The following CST6 variants were observed in gnomAD, a reference collection of about 807,000 sequenced individuals.
CST6 encodes the protein cystatin E/M.
CST6 carries 8 observed loss-of-function variants against 10.7 expected under a neutral mutation model. The observed-to-expected ratio is 0.75, with a 90% confidence interval of 0.44 to 1.34. CST6 has a LOEUF of 1.34. Ranked by LOEUF, CST6 falls within the 40% of genes most tolerant of loss-of-function variation. The pLI, the probability that CST6 is intolerant of heterozygous loss-of-function variation, is 0.01. For synonymous variants in CST6, 100 were observed against 89.3 expected (o/e 1.12, Z -0.68); for missense variants, 206 against 205.1 (o/e 1.00, Z -0.03).
At position 66,012,284 on chromosome 11, in the gene CST6, G is replaced by C. The variant is rs1590674532; in HGVS notation, c.240G>C (p.Gln80His). ...CGCACATCATCAAGGCGCAGAGCCA[G>C]GTGCGGCGGGCGGGGTGCTGGGAGG... ...RDTHIIKAQS[Q>H]LVAGIKYFLT... Residue 80 changes from glutamine (Q) to histidine (H), a missense_variant and splice_region_variant, in exon 1 of 3, where the codon CAG becomes CAC. Physicochemically the swap from Gln to His is conservative, Grantham distance 24. Transcript: ENST00000312134. 2 of 1,592,222 alleles carry C rather than the reference G, an allele frequency of 1.3e-6. No homozygotes were observed. The highest frequency in any genetic ancestry group is 1.7e-6 in the Non-Finnish European group (2 of 1,165,732).
Position 66,012,176 on chromosome 11 carries a change from C to T in CST6, c.132C>T (p.Asp44=). Residue 44 remains aspartate (D), a synonymous_variant, in exon 1 of 3, where the codon GAC becomes GAT. Transcript: ENST00000312134. ...MVGELRDLSP[D]DPQVQKAAQA... Reference sequence around the variant, plus strand: ...GAGAACTCCGGGACCTGTCGCCCGACGACCCGCAGGTGCAGAAGGCGGCGC... The same window carrying T: ...GAGAACTCCGGGACCTGTCGCCCGATGACCCGCAGGTGCAGAAGGCGGCGC... 6.4e-7 allele frequency: 1 copy of T among 1,569,350 alleles called. No individual in the cohort carries two copies. Among genetic ancestry groups the T allele is most frequent in the Non-Finnish European group, 8.6e-7 (1 of 1,159,786 alleles).
Position 66,012,083 on chromosome 11 carries a change from C to G in CST6, c.39C>G (p.Ala13=). The G allele has an allele frequency of 1.9e-6, 3 of 1,569,310 alleles. No homozygotes were observed. In the East Asian group the frequency reaches 6.9e-5, roughly 36 times the overall value. The change falls in exon 1 of 3, where the codon GCC becomes GCG. Residue 13 remains alanine, a synonymous_variant. Transcript: ENST00000312134. ...RSNLPLALGL[A]LVAFCLLALP... ...ACCTCCCGCTGGCGCTGGGCCTGGC[C>G]CTGGTCGCATTCTGCCTCCTGGCGC...
intron 1 of CST6, among the ~76,000 whole-genome samples, 162 bp from the exon 2 acceptor site, chr11:66,012,664 T>A (rs1366011695): frequency 2.1e-4 from 3 of 14,508 alleles, no homozygotes; most frequent in Non-Finnish European, 3.6e-4. Flanking sequence ...CCACCAGAAC[T>A]CCCCCCCCCA....
rs549999862 is a variant in CST6 at position 66,013,030 on chromosome 11, T to G, written c.366+79T>G. 1.2e-5 allele frequency: 18 copies of G among 1,554,572 alleles called. No homozygotes were observed. In the East Asian group the frequency reaches 4.0e-4, roughly 34 times the overall value. On this transcript the variant is annotated intron_variant, in intron 2 of 2. Coordinates refer to ENST00000312134, the MANE Select transcript of CST6 (RefSeq NM_001323.4). The stretch of plus-strand genomic sequence containing the variant: ...GTTGTCCATCCTGAACTGGTTTGGC[T>G]GGACACGTAGATGTCTAGATGTCTG...
In CST6 at chr11:66,012,875, A is replaced by G. The variant is rs1856184693; in HGVS notation, c.290A>G (p.Asp97Gly). The change falls in exon 2 of 3, where the codon GAC becomes GGC. Residue 97 changes from aspartate (D) to glycine (G), a missense_variant. Transcript: ENST00000312134. Reference protein sequence around the residue: ...YFLTMEMGSTDCRKTRVTGDH... With the variant: ...YFLTMEMGSTGCRKTRVTGDH... ...CTGACGATGGAGATGGGGAGCACAG[A>G]CTGCCGCAAGACCAGGGTCACTGGA... 9 of 1,612,980 alleles carry G rather than the reference A, an allele frequency of 5.6e-6. No homozygotes were observed. The highest frequency in any genetic ancestry group is 4.4e-5 in the South Asian group (4 of 91,032).
rs1159123566 is a variant in CST6 at position 66,012,664 on chromosome 11, T to TC, written c.241-153dup. On this transcript the variant is annotated intron_variant, in intron 1 of 2. Transcript: ENST00000312134. Reference sequence around the variant, plus strand: ...CTCCACCCTCCATCCCCACCAGAACTCCCCCCCCCACCCCCCCCCACCCCC... The same window carrying TC: ...CTCCACCCTCCATCCCCACCAGAACTCCCCCCCCCCACCCCCCCCCACCCCC... Among the ~76,000 whole-genome samples the TC allele has an allele frequency of 7.0e-3, 101 of 14,448 alleles. 1 individual carries two copies. Among genetic ancestry groups the TC allele is most frequent in the African/African-American group, 0.012 (61 of 5,300 alleles). 9.5% of individuals were successfully genotyped at this position (14,448 alleles called of 152,430 possible).
chr11:66,012,929 T>A lies in CST6; in HGVS notation c.344T>A (p.Leu115Gln), dbSNP rs1392813433. 6.2e-6 allele frequency: 10 copies of A among 1,613,270 alleles called. No homozygotes were observed. The highest frequency in any genetic ancestry group is 8.5e-6 in the Non-Finnish European group (10 of 1,179,704). ...CACGTCGACCTCACCACTTGCCCCC[T>A]GGCAGCAGGGGCGCAGCAGGAGGTA... ...GDHVDLTTCP[L>Q]AAGAQQEKLR... The change falls in exon 2 of 3, where the codon CTG becomes CAG. Residue 115 changes from leucine (L) to glutamine (Q), a missense_variant. Coordinates refer to ENST00000312134, the MANE Select transcript of CST6 (RefSeq NM_001323.4).
Position 66,012,092 on chromosome 11 carries a change from A to C in CST6, c.48A>C (p.Ala16=), listed in dbSNP as rs754583999. Reference sequence around the variant, plus strand: ...TGGCGCTGGGCCTGGCCCTGGTCGCATTCTGCCTCCTGGCGCTGCCACGCG... The same window carrying C: ...TGGCGCTGGGCCTGGCCCTGGTCGCCTTCTGCCTCCTGGCGCTGCCACGCG... ...LPLALGLALV[A]FCLLALPRDA... The change falls in exon 1 of 3, where the codon GCA becomes GCC. Residue 16 remains alanine (A), a synonymous_variant. Transcript: ENST00000312134. 3 of 1,567,260 alleles carry C rather than the reference A, an allele frequency of 1.9e-6. No individual in the cohort carries two copies. In the East Asian group the frequency reaches 6.9e-5, roughly 36 times the overall value.
In CST6 at chr11:66,012,191, G is replaced by A. The variant is rs962641122; in HGVS notation, c.147G>A (p.Gln49=). 1 of 1,580,584 alleles carries A rather than the reference G, an allele frequency of 6.3e-7. No homozygotes were observed. Among genetic ancestry groups the A allele is most frequent in the Non-Finnish European group, 8.6e-7 (1 of 1,165,200 alleles). ...TGTCGCCCGACGACCCGCAGGTGCA[G>A]AAGGCGGCGCAGGCGGCCGTGGCCA... ...RDLSPDDPQV[Q]KAAQAAVASY... is the part of the protein sequence containing the mutation. Residue 49 remains glutamine, a synonymous_variant, in exon 1 of 3, where the codon CAG becomes CAA. Transcript: ENST00000312134.
intron 1 of CST6, 104 bp downstream of exon 1, chr11:66,012,388 A>G: frequency 1.5e-6 from 2 of 1,326,364 alleles, no homozygotes; most frequent in East Asian, 5.1e-5. Flanking sequence ...CAATCGGGAT[A>G]TTTTCATGCA....
chr11:66,012,049 C>T lies in CST6; in HGVS notation c.5C>T (p.Ala2Val). Residue 2 changes from alanine (A) to valine (V), a missense_variant, in exon 1 of 3, where the codon GCG becomes GTG. Coordinates refer to ENST00000312134, the MANE Select transcript of CST6 (RefSeq NM_001323.4). Reference protein sequence around the residue: MARSNLPLALGL... With the variant: MVRSNLPLALGL... ...GCTCCGACGGCACTGACGGCCATGG[C>T]GCGTTCGAACCTCCCGCTGGCGCTG... is the stretch of plus-strand genomic sequence containing the variant. The T allele has an allele frequency of 6.4e-7, 1 of 1,554,994 alleles. No homozygotes were observed. Among genetic ancestry groups the T allele is most frequent in the Admixed American group, 1.8e-5 (1 of 55,430 alleles).
In CST6 at chr11:66,012,259, C is replaced by T. The variant is rs1446011433; in HGVS notation, c.215C>T (p.Thr72Met). ...GSNSIYYFRD[T>M]HIIKAQSQLV... ...AACAGCATCTACTACTTCCGAGACA[C>T]GCACATCATCAAGGCGCAGAGCCAG... is the stretch of plus-strand genomic sequence containing the variant. Residue 72 changes from threonine (T) to methionine (M), a missense_variant, in exon 1 of 3, where the codon ACG (threonine) becomes ATG (methionine). Thr to Met is a moderately conservative substitution (Grantham distance 81). Transcript: ENST00000312134. The T allele has an allele frequency of 1.2e-6, 2 of 1,605,006 alleles. No individual in the cohort carries two copies. The highest frequency in any genetic ancestry group is 1.7e-6 in the Non-Finnish European group (2 of 1,175,342).
Position 66,013,341 on chromosome 11 carries a change from C to T in CST6, c.391C>T (p.Leu131Phe), listed in dbSNP as rs2134981038. ...QEKLRCDFEV[L>F]VVPWQNSSQL... ...GAAGCTGCGCTGTGACTTTGAGGTCCTTGTGGTTCCCTGGCAGAACTCCTC... is the reference window on the plus strand; with the variant it reads ...GAAGCTGCGCTGTGACTTTGAGGTCTTTGTGGTTCCCTGGCAGAACTCCTC... The change falls in exon 3 of 3, where the codon CTT (leucine) becomes TTT (phenylalanine). Residue 131 changes from leucine to phenylalanine, a missense_variant. By Grantham distance (22) the Leu-to-Phe change is conservative. Transcript: ENST00000312134. 6.2e-7 allele frequency: 1 copy of T among 1,614,182 alleles called. No homozygotes were observed. The highest frequency in any genetic ancestry group is 2.2e-5 in the East Asian group (1 of 44,888).
At chr11:66,012,317 C>G (rs1413043004) in intron 1 of CST6, 33 bp downstream of exon 1, 1 of 1,555,590 alleles carries the variant, frequency 6.4e-7, no homozygotes, top group Admixed American at 1.8e-5. Flanking sequence ...AGGGGACACC[C>G]GGCCCAGATG....
intron 1 of CST6, among the ~76,000 whole-genome samples, 185 bp from the exon 2 acceptor site, chr11:66,012,641 C>G (rs1856179306): frequency 6.8e-6 from 1 of 147,608 alleles, no homozygotes; most frequent in Admixed American, 6.7e-5. Flanking sequence ...CCAGGCCTCT[C>G]CACCCTCCAT....
At position 66,012,885 on chromosome 11, in the gene CST6, G is replaced by A; in HGVS notation, c.300G>A (p.Lys100=). ...AGATGGGGAGCACAGACTGCCGCAA[G>A]ACCAGGGTCACTGGAGACCACGTCG... ...TMEMGSTDCR[K]TRVTGDHVDL... Residue 100 remains lysine, a synonymous_variant, in exon 2 of 3, where the codon AAG becomes AAA. Transcript: ENST00000312134. The A allele has an allele frequency of 6.2e-7, 1 of 1,613,628 alleles. No homozygotes were observed. The highest frequency in any genetic ancestry group is 8.5e-7 in the Non-Finnish European group (1 of 1,179,786).
At chr11:66,013,160 C>G in intron 2 of CST6, 157 bp from the exon 3 acceptor site, 1 of 969,182 alleles carries the variant, frequency 1.0e-6, no homozygotes, top group Non-Finnish European at 1.6e-6. Flanking sequence ...CTACCAAGAT[C>G]TGGAGTCTAG....
chr11:66,012,673 C>T (rs1856180731), intron 1 of CST6, among the ~76,000 whole-genome samples, 153 bp from the exon 2 acceptor site: 1 of 20,764 alleles, frequency 4.8e-5, no homozygotes, highest in Non-Finnish European at 1.1e-4. Context: ...CTCCCCCCCC[C>T]ACCCCCCCCC....
intron 2 of CST6, 105 bp from the exon 3 acceptor site, chr11:66,013,212 C>A: frequency 9.0e-7 from 1 of 1,110,658 alleles, no homozygotes; most frequent in Non-Finnish European, 1.4e-6. Flanking sequence ...CAGTGATTGT[C>A]CCTCTCTTGG....
Sources: allele counts gnomAD v4.1 joint callset (sites outside exome capture counted in the v4.1 genomes callset), GRCh38; gene constraint gnomAD v4.1.1; transcripts MANE v1.5; gene names NCBI Gene and HGNC (gene_info 2026-07-23, HGNC 2026-07-21).